The following MYO10 variants were observed in gnomAD, a reference collection of about 807,000 sequenced individuals.
MYO10 encodes the protein unconventional myosin-X.
A neutral mutation model predicts 257.3 loss-of-function variants in MYO10; 133 were observed. The ratio of observed to expected loss-of-function variants is 0.52; its 90% confidence interval spans 0.45 to 0.60. The LOEUF (loss-of-function observed/expected upper bound fraction) is 0.60, where lower values mean the gene tolerates loss of function less well. Among genes scored for constraint, MYO10 ranks in the 20% least tolerant of loss-of-function variants. MYO10 has a pLI of 0.00. For synonymous variants in MYO10, 1,104 were observed against 1,028.6 expected (o/e 1.07, Z -1.40); for missense variants, 2,399 against 2,635.7 (o/e 0.91, Z 1.97).
At chr5:16,903,381 C>T (rs1187252011) in intron 1 of MYO10, among the ~76,000 whole-genome samples, 1 of 152,162 alleles carries the variant, frequency 6.6e-6, no homozygotes, top group Non-Finnish European at 1.5e-5. Context: ...TGCACTCCAG[C>T]CTGGCGACAG....
At chr5:16,921,636 GA>G (rs3061955) in intron 1 of MYO10, among the ~76,000 whole-genome samples, 2,168 of 120,598 alleles carry the variant, frequency 0.018, 30 homozygotes, top group African/African-American at 0.044. Context: ...AAAGGAAAAA[GA>G]AAAAAAAAAA....
At position 16,849,775 on chromosome 5, in the gene MYO10, T is replaced by G. The variant is rs935579410; in HGVS notation, c.120+27834A>C. Reference sequence around the variant, plus strand: ...AACTTAGTTGTGGGGGAAACAAAAATCAATGTATTTTGTTCTTTCCCAACT... The same window carrying G: ...AACTTAGTTGTGGGGGAAACAAAAAGCAATGTATTTTGTTCTTTCCCAACT... On this transcript the variant is annotated intron_variant, in intron 2 of 40. Transcript: ENST00000513610. Among the ~76,000 whole-genome samples, 10 of 152,320 alleles carry G rather than the reference T, an allele frequency of 6.6e-5. No homozygotes were observed. In the East Asian group the frequency reaches 1.9e-3, roughly 29 times the overall value.
At chr5:16,902,683 T>C (rs1745416989) in intron 1 of MYO10, 1 of 997,296 alleles carries the variant, frequency 1.0e-6, no homozygotes, top group Admixed American at 1.7e-5. Flanking sequence ...TAATTTTTTG[T>C]ATTTTTAGTG....
chr5:16,718,072 G>A (rs1262652616), intron 19 of MYO10, among the ~76,000 whole-genome samples: 2 of 152,240 alleles, frequency 1.3e-5, no homozygotes, highest in African/African-American at 4.8e-5. Context: ...GCTGGCCCCG[G>A]GCAATGGGGG....
chr5:16,827,515 G>A (rs914825732), intron 2 of MYO10, among the ~76,000 whole-genome samples: 1 of 152,088 alleles, frequency 6.6e-6, no homozygotes, highest in African/African-American at 2.4e-5. Flanking sequence ...TCGAACTCCC[G>A]TACTCAAGTG....
intron 27 of MYO10, among the ~76,000 whole-genome samples, chr5:16,691,618 G>A (rs1432055577): frequency 6.6e-6 from 1 of 151,278 alleles, no homozygotes; most frequent in African/African-American, 2.4e-5. Flanking sequence ...AGAATCACTT[G>A]AACCCTGGAG....
At chr5:16,685,635 G>C in intron 29 of MYO10, 103 bp downstream of exon 29, 1 of 856,598 alleles carries the variant, frequency 1.2e-6, no homozygotes. Context: ...TTTAAAAAAA[G>C]ACTGTCTGGA....
chr5:16,754,742 T>C lies in MYO10; in HGVS notation c.1929+86A>G, dbSNP rs551478879. On this transcript the variant is annotated intron_variant, in intron 19 of 40. Coordinates refer to ENST00000513610, the MANE Select transcript of MYO10 (RefSeq NM_012334.3). The stretch of plus-strand genomic sequence containing the variant: ...TCCAACCATCTACAATGAAAGGACT[T>C]TGGAGAAACCAAATCTGTGAGTAAC... 1.8e-5 allele frequency: 17 copies of C among 935,866 alleles called. No homozygotes were observed. In the African/African-American group the frequency reaches 2.6e-4, roughly 15 times the overall value. 58.0% of individuals were successfully genotyped at this position (935,866 alleles called of 1,614,324 possible).
rs5866211 is a variant in MYO10 at position 16,865,811 on chromosome 5, G to GATAATAATAATAATAATAATA, written c.120+11777_120+11797dup. Among the ~76,000 whole-genome samples the GATAATAATAATAATAATAATA allele has an allele frequency of 5.5e-3, 789 of 142,614 alleles. 15 individuals are homozygous for GATAATAATAATAATAATAATA. Among genetic ancestry groups the GATAATAATAATAATAATAATA allele is most frequent in the Admixed American group, 0.03 (420 of 14,124 alleles). 93.6% of individuals were successfully genotyped at this position (142,614 alleles called of 152,430 possible). A position where few individuals can be genotyped will look rare whatever the true frequency, so the allele number is the denominator to read the frequency against. On this transcript the variant is annotated intron_variant, in intron 2 of 40. Coordinates refer to ENST00000513610, the MANE Select transcript of MYO10 (RefSeq NM_012334.3). ...GGGTGACAGAGTTAGACTCCGTCTCGATAATAATAATAATAATAATAATAG... is the reference window on the plus strand; with the variant it reads ...GGGTGACAGAGTTAGACTCCGTCTCGATAATAATAATAATAATAATAATAATAATAATAATAATAATAATAG...
At chr5:16,674,465 G>A (rs1371894969) in intron 35 of MYO10, among the ~76,000 whole-genome samples, 1 of 151,666 alleles carries the variant, frequency 6.6e-6, no homozygotes, top group East Asian at 1.9e-4. Context: ...GCAAAACTCT[G>A]TCTCAAAAAA....
intron 28 of MYO10, among the ~76,000 whole-genome samples, chr5:16,689,534 T>C (rs1737396170): frequency 6.6e-6 from 1 of 151,880 alleles, no homozygotes; most frequent in African/African-American, 2.4e-5. Flanking sequence ...GCTGTATAAT[T>C]TACACACGCT....
rs1553998852 is a variant in MYO10, at chr5:16,812,930, T to TTTA, written c.279+5078_279+5079insTAA. On this transcript the variant is annotated intron_variant, in intron 3 of 40. Transcript: ENST00000513610. ...TTGACTATTCTGGGTGCTTTTATTT[T>TTTA]TTTTTTTTTTTTATCACTTTCTACC... is the stretch of plus-strand genomic sequence containing the variant. Among the ~76,000 whole-genome samples, 973 of 120,244 alleles carry TTTA rather than the reference T, an allele frequency of 8.1e-3. 2 individuals are homozygous for TTTA. The highest frequency in any genetic ancestry group is 9.4e-3 in the Non-Finnish European group (562 of 59,746). The allele number at this position is 120,244 out of a possible 152,430, so 78.9% of individuals were successfully genotyped here.
intron 37 of MYO10, 91 bp from the exon 38 acceptor site, chr5:16,671,633 G>A: frequency 6.8e-7 from 1 of 1,481,426 alleles, no homozygotes; most frequent in African/African-American, 1.4e-5. Flanking sequence ...TGTATTCTAA[G>A]GACACAGACA....
intron 33 of MYO10, 51 bp downstream of exon 33, chr5:16,679,896 T>C (rs1736907445): frequency 1.3e-6 from 2 of 1,586,062 alleles, no homozygotes; most frequent in African/African-American, 2.7e-5. Context: ...GCTCTAAGGG[T>C]AGAATCTCTG....
chr5:16,817,813 C>T (rs1408705250), intron 3 of MYO10, among the ~76,000 whole-genome samples, 196 bp downstream of exon 3: 1 of 152,196 alleles, frequency 6.6e-6, no homozygotes, highest in Non-Finnish European at 1.5e-5. Context: ...TAAATCCCCA[C>T]TAATAAAACC....
intron 27 of MYO10, among the ~76,000 whole-genome samples, chr5:16,693,442 C>A (rs1737595931): frequency 6.6e-6 from 1 of 152,222 alleles, no homozygotes; most frequent in Admixed American, 6.5e-5. Flanking sequence ...CTGGAAATGT[C>A]CAATATTCTG....
At chr5:16,737,152 C>T (rs774208591) in intron 19 of MYO10, among the ~76,000 whole-genome samples, 15 of 152,178 alleles carry the variant, frequency 9.9e-5, no homozygotes, top group Non-Finnish European at 2.1e-4. Flanking sequence ...TTTCACCATC[C>T]TAAATGTGGA....
chr5:16,860,627 G>C (rs1744080122), intron 2 of MYO10, among the ~76,000 whole-genome samples: 1 of 152,130 alleles, frequency 6.6e-6, no homozygotes, highest in South Asian at 2.1e-4. Context: ...CTCTAACAGA[G>C]TGTTCAACTT....
chr5:16,808,015 T>G (rs1206005728), intron 3 of MYO10, among the ~76,000 whole-genome samples: 2 of 152,198 alleles, frequency 1.3e-5, no homozygotes, highest in Admixed American at 1.3e-4. Context: ...CAGAGCCTGG[T>G]ACCCAGGCAG....
Sources: gnomAD v4.1 joint callset for allele counts (sites outside exome capture counted in the v4.1 genomes callset) on GRCh38, gnomAD v4.1.1 for gene constraint, MANE v1.5 for transcripts, NCBI Gene and HGNC (gene_info 2026-07-23, HGNC 2026-07-21) for gene names.